Variants in TANC2 observed in about 807,000 individuals in gnomAD.
The protein encoded by TANC2 is tetratricopeptide repeat, ankyrin repeat and coiled-coil containing 2.
Under a neutral mutation model 210.5 loss-of-function variants are expected in TANC2, and 26 were observed. The observed-to-expected ratio is 0.12, with a 90% CI of 0.09 to 0.17. The LOEUF (loss-of-function observed/expected upper bound fraction) is 0.17. Among genes scored for constraint, TANC2 ranks in the 10% least tolerant of loss-of-function variants. TANC2 has a pLI of 1.00. For missense variants in TANC2, 2,129 were observed against 2,608.9 expected, an observed-to-expected ratio of 0.82 and a Z score of 4.01; for synonymous variants, 931 against 967.1, an observed-to-expected ratio of 0.96 and a Z score of 0.69.
At chr17:63,220,829 TGTATATATGTGTGTATATACGTATATAC>T (rs1471454978) in intron 7 of TANC2, among the ~76,000 whole-genome samples, 2 of 149,200 alleles carry the variant, frequency 1.3e-5, no homozygotes, top group African/African-American at 4.9e-5. Context: ...TACGTGTATA[TGTATATATGTGTGTATATACGTATATAC>T]GTATATATGT....
At position 63,420,499 on chromosome 17, in the gene TANC2, C is replaced by T. The variant is rs748473534; in HGVS notation, c.4769C>T (p.Ser1590Phe). ...TACAGGCCTAGCCCACCACACACTT[C>T]CCCGGCTCATCAGGGAGGATCTTAC... Residue 1590 changes from serine (S) to phenylalanine (F), a missense_variant, in exon 28 of 28, where the codon TCC becomes TTC. By Grantham distance (155) the Ser-to-Phe change is radical. Around this residue, in one of 5 missense-constraint regions of TANC2, gnomAD observed 584 missense variants for 627.3 expected, o/e 0.93. Coordinates refer to ENST00000689528, the Ensembl canonical transcript of TANC2. This position sits in a 1 kb window ranked among gnomAD's most constrained non-coding sequence, Gnocchi z 4.2. 1 of 1,613,980 alleles carries T rather than the reference C, an allele frequency of 6.2e-7. No individual in the cohort carries two copies. Among genetic ancestry groups the T allele is most frequent in the Non-Finnish European group, 8.5e-7 (1 of 1,179,856 alleles).
At chr17:63,335,863 A>G (rs1268629509) in intron 11 of TANC2, among the ~76,000 whole-genome samples, 1 of 152,136 alleles carries the variant, frequency 6.6e-6, no homozygotes, top group African/African-American at 2.4e-5. Context: ...GGGAAGCTGG[A>G]TGAGGGATAA....
intron 7 of TANC2, among the ~76,000 whole-genome samples, chr17:63,208,299 G>C (rs1460522023): frequency 6.6e-6 from 1 of 152,114 alleles, no homozygotes; most frequent in East Asian, 1.9e-4. Context: ...GTGTATTGCT[G>C]CCAAAAGCAT....
intron 9 of TANC2, among the ~76,000 whole-genome samples, chr17:63,298,983 T>C (rs2044624038): frequency 6.6e-6 from 1 of 152,116 alleles, no homozygotes; most frequent in Admixed American, 6.6e-5. Flanking sequence ...CTTGTTATTC[T>C]CAGTGTTCAA....
chr17:63,350,834 A>G lies in TANC2; in HGVS notation c.1808-416A>G, dbSNP rs1382182343. The stretch of plus-strand genomic sequence containing the variant: ...ATAAACCTTTTTGGGGACATTCCCA[A>G]AAGAACATATGATACTATTCTCTTT... On this transcript the variant is annotated intron_variant, in intron 12 of 27. Transcript: ENST00000689528. Among the ~76,000 whole-genome samples the G allele has an allele frequency of 5.3e-5, 8 of 151,934 alleles. No individual in the cohort carries two copies. The East Asian group carries it at 1.4e-3, about 26-fold the overall frequency.
At chr17:63,122,284 C>T (rs1203069117) in intron 4 of TANC2, among the ~76,000 whole-genome samples, 1 of 152,192 alleles carries the variant, frequency 6.6e-6, no homozygotes, top group Non-Finnish European at 1.5e-5. Flanking sequence ...CACTTTATTT[C>T]TTACATGCCC....
chr17:63,370,477 C>T (rs2047235708), intron 14 of TANC2, among the ~76,000 whole-genome samples: 1 of 151,948 alleles, frequency 6.6e-6, no homozygotes. Context: ...CACGCCCGGC[C>T]TCCTTAGTCC....
At chr17:63,198,437 C>T (rs746623841) in intron 6 of TANC2, among the ~76,000 whole-genome samples, 38 of 152,228 alleles carry the variant, frequency 2.5e-4, no homozygotes, top group Middle Eastern at 3.4e-3. Flanking sequence ...TCAAGCAATC[C>T]GCCTGCCTCA....
At chr17:63,413,747 C>A in intron 25 of TANC2, 113 bp downstream of exon 25, 1 of 966,938 alleles carries the variant, frequency 1.0e-6, no homozygotes, top group Non-Finnish European at 1.5e-6. Context: ...CAAAGGGAAA[C>A]TACTGTTCCT....
In TANC2 at chr17:63,421,454, G is replaced by A. The variant is rs200590935; in HGVS notation, c.5724G>A (p.Ser1908=). ...ATGAGAGGTCATGTGACGAGCTGTC[G>A]CCAGTGTCTCCAACTCAAGGAGGTT... Residue 1908 remains serine, a synonymous_variant, in exon 28 of 28, where the codon TCG becomes TCA. Coordinates refer to ENST00000689528, the Ensembl canonical transcript of TANC2. This position sits in a 1 kb window ranked among gnomAD's most constrained non-coding sequence, Gnocchi z 6.9. The A allele has an allele frequency of 1.8e-5, 29 of 1,613,806 alleles. 1 individual carries two copies. The highest frequency in any genetic ancestry group is 3.3e-4 in the Middle Eastern group (2 of 6,084).
chr17:63,063,674 T>TTGTATG (rs2036089446), intron 2 of TANC2, among the ~76,000 whole-genome samples: 1 of 137,422 alleles, frequency 7.3e-6, no homozygotes, highest in African/African-American at 2.7e-5. Context: ...TTACCCAGTA[T>TTGTATG]TGTGTGTGTG....
chr17:63,012,644 C>A (rs1283418815), intron 2 of TANC2, among the ~76,000 whole-genome samples: 1 of 152,014 alleles, frequency 6.6e-6, no homozygotes, highest in East Asian at 1.9e-4. Context: ...GAATAACACC[C>A]TTTGTTTTGT....
intron 3 of TANC2, 91 bp downstream of exon 3, chr17:63,074,105 T>C (rs1341121374): frequency 5.4e-6 from 5 of 925,244 alleles, no homozygotes; most frequent in Non-Finnish European, 7.9e-6. Context: ...GATATTGCCA[T>C]GGTATAGTTT....
chr17:63,003,378 C>G (rs1016694033), intron 1 of TANC2, among the ~76,000 whole-genome samples: 5 of 152,178 alleles, frequency 3.3e-5, no homozygotes, highest in Non-Finnish European at 5.9e-5. Context: ...AAGACACACC[C>G]CACAGTGGAT....
chr17:63,283,980 A>G (rs2044143070), intron 9 of TANC2, among the ~76,000 whole-genome samples: 1 of 151,892 alleles, frequency 6.6e-6, no homozygotes, highest in African/African-American at 2.4e-5. Context: ...TATTACTCTG[A>G]CTAGAACTAG....
At chr17:63,313,928 G>A (rs892223516) in intron 9 of TANC2, among the ~76,000 whole-genome samples, 4 of 152,150 alleles carry the variant, frequency 2.6e-5, no homozygotes, top group South Asian at 4.1e-4. Context: ...GAGCTGCTAC[G>A]GTAAGCTGTC....
At chr17:63,027,912 C>T (rs968946218) in intron 2 of TANC2, among the ~76,000 whole-genome samples, 1 of 152,020 alleles carries the variant, frequency 6.6e-6, no homozygotes, top group Non-Finnish European at 1.5e-5. Flanking sequence ...CGCACTCCCC[C>T]ACCTCATTCC....
At chr17:63,076,811 G>T (rs1377008617) in intron 3 of TANC2, among the ~76,000 whole-genome samples, 1 of 152,034 alleles carries the variant, frequency 6.6e-6, no homozygotes, top group Non-Finnish European at 1.5e-5. Context: ...AAGCTTCGTA[G>T]AATTATCAGA....
At chr17:63,031,877 T>C (rs1035419478) in intron 2 of TANC2, among the ~76,000 whole-genome samples, 11 of 152,122 alleles carry the variant, frequency 7.2e-5, no homozygotes, top group Admixed American at 4.6e-4. Flanking sequence ...AATCTCAGAC[T>C]GGAGGGAAAT....
Sources: allele counts gnomAD v4.1 joint callset (sites outside exome capture counted in the v4.1 genomes callset), GRCh38; gene constraint gnomAD v4.1.1; regional missense constraint gnomAD v4.1.1; non-coding constraint Gnocchi (gnomAD v3.1); transcripts MANE v1.5; gene names NCBI Gene and HGNC (gene_info 2026-07-23, HGNC 2026-07-21).